The following ASCC3 variants were observed in gnomAD, a reference collection of about 807,000 sequenced individuals.
The protein encoded by ASCC3 is activating signal cointegrator 1 complex subunit 3.
A neutral mutation model predicts 256.3 loss-of-function variants in ASCC3; 158 were observed. That is an observed-to-expected ratio of 0.62 (90% CI 0.54 to 0.70). ASCC3 has a LOEUF of 0.70. Among genes scored for constraint, ASCC3 ranks in the 30% least tolerant of loss-of-function variants. The probability of loss-of-function intolerance (pLI) is 0.00; values close to 1 mark genes in which losing one functional copy is unlikely to be tolerated. For missense variants in ASCC3, 2,259 were observed against 2,626.0 expected, an observed-to-expected ratio of 0.86 and a Z score of 3.05; for synonymous variants, 948 against 883.4, an observed-to-expected ratio of 1.07 and a Z score of -1.30.
rs747539213 is a variant in ASCC3, at chr6:100,560,748, A to AACACACACAC, written c.5551-20371_5551-20362dup. Among the ~76,000 whole-genome samples the AACACACACAC allele has an allele frequency of 5.2e-3, 692 of 133,926 alleles. 5 individuals are homozygous for AACACACACAC. Among genetic ancestry groups the AACACACACAC allele is most frequent in the East Asian group, 0.018 (78 of 4,366 alleles). 87.9% of individuals were successfully genotyped at this position (133,926 alleles called of 152,430 possible). On this transcript the variant is annotated intron_variant, in intron 36 of 41. Coordinates refer to ENST00000369162, the MANE Select transcript of ASCC3 (RefSeq NM_006828.4). Reference sequence around the variant, plus strand: ...AGTCAAACCCCAAACATCTTAGAGGAACACACACACACACACACACACACA... The same window carrying AACACACACAC: ...AGTCAAACCCCAAACATCTTAGAGGAACACACACACACACACACACACACACACACACACA...
chr6:100,674,242 GATAA>G (rs1456819092), intron 14 of ASCC3, among the ~76,000 whole-genome samples: 2 of 151,614 alleles, frequency 1.3e-5, no homozygotes, highest in Admixed American at 1.3e-4. Flanking sequence ...TTTAGATTTT[GATAA>G]TATATTGATG....
chr6:100,584,959 T>G (rs1361203013), intron 36 of ASCC3, among the ~76,000 whole-genome samples: 6 of 152,258 alleles, frequency 3.9e-5, no homozygotes, highest in Non-Finnish European at 8.8e-5. Context: ...GCTGTTAGTC[T>G]GATGGGCTTC....
At chr6:100,715,585 C>T (rs750484684) in intron 12 of ASCC3, 52 bp from the exon 13 acceptor site, 72 of 1,509,552 alleles carry the variant, frequency 4.8e-5, no homozygotes, top group Non-Finnish European at 6.3e-5. Context: ...TATAAACTTT[C>T]TAACTACAAA....
intron 29 of ASCC3, among the ~76,000 whole-genome samples, chr6:100,626,823 T>C (rs1276884891): frequency 6.6e-6 from 1 of 152,130 alleles, no homozygotes; most frequent in Non-Finnish European, 1.5e-5. Context: ...AACCTCAACA[T>C]CTAATGGATT....
intron 4 of ASCC3, among the ~76,000 whole-genome samples, chr6:100,818,937 C>G (rs982196120): frequency 6.6e-6 from 1 of 152,006 alleles, no homozygotes. Flanking sequence ...CAGTGATAGA[C>G]TGGATTAAGA....
At chr6:100,555,464 T>C (rs1446575377) in intron 36 of ASCC3, among the ~76,000 whole-genome samples, 2 of 152,156 alleles carry the variant, frequency 1.3e-5, no homozygotes, top group Non-Finnish European at 2.9e-5. Flanking sequence ...GAAATGATAC[T>C]TCATTTTTTC....
chr6:100,873,997 C>T (rs1311611864), intron 1 of ASCC3, among the ~76,000 whole-genome samples: 1 of 152,152 alleles, frequency 6.6e-6, no homozygotes, highest in Non-Finnish European at 1.5e-5. Flanking sequence ...ACCAGATTTG[C>T]TATTTTTATT....
intron 16 of ASCC3, among the ~76,000 whole-genome samples, chr6:100,659,445 T>C (rs994863322): frequency 6.6e-6 from 1 of 151,498 alleles, no homozygotes; most frequent in African/African-American, 2.4e-5. Context: ...ATGGCTATAC[T>C]TCACCATATG....
chr6:100,593,225 GT>G (rs1190236182), intron 34 of ASCC3, among the ~76,000 whole-genome samples: 1 of 152,016 alleles, frequency 6.6e-6, no homozygotes, highest in Non-Finnish European at 1.5e-5. Context: ...ACAATTACTA[GT>G]CCCCTGAGAG....
chr6:100,687,292 A>T (rs1407691106), intron 13 of ASCC3, among the ~76,000 whole-genome samples: 2 of 152,074 alleles, frequency 1.3e-5, no homozygotes, highest in East Asian at 1.9e-4. Flanking sequence ...AAACAGAATT[A>T]AAAAAACAAT....
intron 30 of ASCC3, among the ~76,000 whole-genome samples, chr6:100,609,668 C>A (rs1158666860): frequency 1.3e-5 from 2 of 152,020 alleles, no homozygotes; most frequent in Non-Finnish European, 2.9e-5. Context: ...CTTTGGGAGG[C>A]CAAGGTGGGT....
At chr6:100,877,372 A>T (rs1431388027) in intron 1 of ASCC3, among the ~76,000 whole-genome samples, 1 of 152,190 alleles carries the variant, frequency 6.6e-6, no homozygotes, top group Non-Finnish European at 1.5e-5. Context: ...TGTACCCACA[A>T]ACCACACCTT....
At chr6:100,700,888 A>G (rs1261364412) in intron 13 of ASCC3, among the ~76,000 whole-genome samples, 1 of 152,170 alleles carries the variant, frequency 6.6e-6, no homozygotes, top group African/African-American at 2.4e-5. Flanking sequence ...CCTTGTCTGG[A>G]TGAGACTTTG....
chr6:100,590,695 C>G (rs1232260839), intron 34 of ASCC3, among the ~76,000 whole-genome samples: 4 of 151,892 alleles, frequency 2.6e-5, no homozygotes, highest in African/African-American at 9.7e-5. Flanking sequence ...CTGTACAGGA[C>G]TAGGAAGGGA....
intron 13 of ASCC3, among the ~76,000 whole-genome samples, chr6:100,692,353 G>T (rs1319171256): frequency 6.6e-6 from 1 of 151,824 alleles, no homozygotes; most frequent in Non-Finnish European, 1.5e-5. Context: ...AAGATAATTT[G>T]CTGAAGAAAT....
chr6:100,715,674 A>G (rs942909008), intron 12 of ASCC3, 141 bp from the exon 13 acceptor site: 1 of 606,458 alleles, frequency 1.6e-6, no homozygotes, highest in Non-Finnish European at 2.9e-6. Context: ...CCTCATAAAC[A>G]TATAACATAT....
At chr6:100,825,800 C>T (rs1443373907) in intron 4 of ASCC3, among the ~76,000 whole-genome samples, 2 of 151,840 alleles carry the variant, frequency 1.3e-5, no homozygotes, top group Non-Finnish European at 2.9e-5. Flanking sequence ...TTTGTTTGTT[C>T]CTTTTTATTC....
At chr6:100,542,689 T>A (rs987225596) in intron 36 of ASCC3, among the ~76,000 whole-genome samples, 33 of 150,542 alleles carry the variant, frequency 2.2e-4, no homozygotes, top group South Asian at 6.3e-4. Context: ...AAAAAAAAAA[T>A]AATAATAAAA....
At chr6:100,734,712 T>C (rs1780065776) in intron 10 of ASCC3, among the ~76,000 whole-genome samples, 1 of 152,174 alleles carries the variant, frequency 6.6e-6, no homozygotes, top group Non-Finnish European at 1.5e-5. Flanking sequence ...GGCAATTAAC[T>C]GGTAAAGACA....
Sources: gnomAD v4.1 joint callset for allele counts (sites outside exome capture counted in the v4.1 genomes callset) on GRCh38, gnomAD v4.1.1 for gene constraint, MANE v1.5 for transcripts, NCBI Gene and HGNC (gene_info 2026-07-23, HGNC 2026-07-21) for gene names.